The following C16orf46 variants were observed in gnomAD, a reference collection of about 807,000 sequenced individuals.
C16orf46 encodes the protein uncharacterized protein C16orf46.
Under a neutral mutation model 5.5 loss-of-function variants are expected in C16orf46, and 7 were observed. The ratio of observed to expected loss-of-function variants is 1.28; its 90% confidence interval spans 0.73 to 2.40. C16orf46 has a LOEUF of 2.40. Among genes scored for constraint, C16orf46 ranks in the 30% most tolerant of loss-of-function variants. The pLI is 0.00. For missense variants in C16orf46, 614 were observed against 476.0 expected (o/e 1.29, Z -2.70); for synonymous variants, 200 against 184.1 (o/e 1.09, Z -0.70).
chr16:81,066,700 A>G (rs1467728029), intron 1 of C16orf46, among the ~76,000 whole-genome samples: 1 of 152,186 alleles, frequency 6.6e-6, no homozygotes, highest in Non-Finnish European at 1.5e-5. Flanking sequence ...CTGGTAGTAA[A>G]ATTATGCCTG....
chr16:81,063,516 T>A (rs965443636), intron 3 of C16orf46, among the ~76,000 whole-genome samples: 1 of 152,168 alleles, frequency 6.6e-6, no homozygotes, highest in African/African-American at 2.4e-5. Flanking sequence ...TTAGATGAAT[T>A]AATGTATCCA....
At chr16:81,060,870 G>A (rs2151748135), downstream of C16orf46, 7 of 674,218 alleles carry the variant, frequency 1.0e-5, no homozygotes, top group East Asian at 2.2e-4. Flanking sequence ...ACATGAAGCA[G>A]GCAGAGGCTG....
chr16:81,059,821 C>T (rs1367064548), downstream of C16orf46, among the ~76,000 whole-genome samples: 1 of 150,946 alleles, frequency 6.6e-6, no homozygotes, highest in African/African-American at 2.4e-5. Flanking sequence ...CGGGGTCTCA[C>T]TCTGTCGCCC....
intron 3 of C16orf46, chr16:81,055,333 C>A (rs1467312717): frequency 6.6e-6 from 1 of 152,098 alleles, no homozygotes; most frequent in Admixed American, 6.6e-5. Flanking sequence ...ACTGTCATAA[C>A]CCTGTGTGGT....
chr16:81,069,468 A>G (rs1971770545), intron 1 of C16orf46, among the ~76,000 whole-genome samples: 3 of 152,168 alleles, frequency 2.0e-5, no homozygotes, highest in African/African-American at 7.2e-5. Flanking sequence ...TGGCTCTTAG[A>G]TGGTTCTTTC....
chr16:81,059,792 AT>A (rs113907225), downstream of C16orf46, among the ~76,000 whole-genome samples: 1,235 of 143,670 alleles, frequency 8.6e-3, 11 homozygotes, highest in African/African-American at 0.025. Flanking sequence ...TCCCAAAAAG[AT>A]TTTTTTTTTT....
intron 3 of C16orf46, among the ~76,000 whole-genome samples, chr16:81,054,278 CAACA>C (rs1412425595): frequency 0.1 from 1,229 of 11,798 alleles, 20 homozygotes; most frequent in African/African-American, 0.13. Flanking sequence ...ACAACAACAA[CAACA>C]AAAAAAAACA....
At chr16:81,076,564 G>C (rs1972047676) in intron 1 of C16orf46, 1 of 152,102 alleles carries the variant, frequency 6.6e-6, no homozygotes, top group Non-Finnish European at 1.5e-5. Flanking sequence ...AATTCACTAA[G>C]TACCTAGCAC....
intron 1 of C16orf46, among the ~76,000 whole-genome samples, chr16:81,070,880 T>C (rs1971826885): frequency 6.6e-6 from 1 of 152,168 alleles, no homozygotes; most frequent in African/African-American, 2.4e-5. Flanking sequence ...TAGTCATGTA[T>C]AGTTTCACTG....
intron 3 of C16orf46, among the ~76,000 whole-genome samples, chr16:81,054,261 G>T (rs1397629481): frequency 2.1e-4 from 28 of 135,424 alleles, no homozygotes; most frequent in African/African-American, 6.6e-4. Context: ...AAACCAACAA[G>T]CAAACAACAA....
At chr16:81,062,267 T>A in intron 3 of C16orf46, 129 bp from the exon 4 acceptor site, 2 of 730,818 alleles carry the variant, frequency 2.7e-6, no homozygotes, top group Non-Finnish European at 4.0e-6. Context: ...ATTTTTTTAC[T>A]ACCCCTTCCC....
chr16:81,060,802 T>C (rs1971438605), downstream of C16orf46: 2 of 240,714 alleles, frequency 8.3e-6, no homozygotes, highest in Non-Finnish European at 1.5e-5. Context: ...GCGGCCAGCA[T>C]GGAGGGAAGG....
At position 81,063,837 on chromosome 16, in the gene C16orf46, T is replaced by C. The variant is rs1434558944; in HGVS notation, c.119A>G (p.His40Arg). ...ACTGACATCGAGAAGACAATAAACA[T>C]GATTTTTTTCACTTTTTCCATCTGG... ...TCPDGKSEKN[H>R]VYCLLDVSDI... is the part of the protein sequence containing the mutation. Residue 40 changes from histidine to arginine, a missense_variant, in exon 3 of 4, where the codon CAT becomes CGT. Transcript: ENST00000299578. 4 of 1,613,908 alleles carry C rather than the reference T, an allele frequency of 2.5e-6. No homozygotes were observed. Among genetic ancestry groups the C allele is most frequent in the East Asian group, 2.2e-5 (1 of 44,880 alleles).
At chr16:81,063,594 T>A in intron 3 of C16orf46, 152 bp downstream of exon 3, 1 of 656,406 alleles carries the variant, frequency 1.5e-6, no homozygotes, top group Admixed American at 2.9e-5. Flanking sequence ...GCTGCTCTTA[T>A]CATCAGTAAT....
chr16:81,065,200 C>T (rs1362899898), intron 2 of C16orf46, among the ~76,000 whole-genome samples: 1 of 152,082 alleles, frequency 6.6e-6, no homozygotes, highest in African/African-American at 2.4e-5. Flanking sequence ...CGGCTGCATG[C>T]GATGGCTCAC....
chr16:81,066,721 T>C (rs1475638349), intron 1 of C16orf46, among the ~76,000 whole-genome samples: 1 of 152,250 alleles, frequency 6.6e-6, no homozygotes, highest in Non-Finnish European at 1.5e-5. Context: ...ACTTACACAT[T>C]TGACGTAAAC....
chr16:81,072,129 C>G (rs1423554446), intron 1 of C16orf46: 1 of 152,184 alleles, frequency 6.6e-6, no homozygotes, highest in South Asian at 2.1e-4. Flanking sequence ...GAAATGTCCC[C>G]ATAAACCCTC....
chr16:81,060,888 C>G, downstream of C16orf46: 4 of 945,238 alleles, frequency 4.2e-6, no homozygotes, highest in Non-Finnish European at 4.1e-6. Context: ...CTGGGGCTGG[C>G]AAGACCAATT....
chr16:81,057,474 G>A (rs917352555), downstream of C16orf46, among the ~76,000 whole-genome samples: 31 of 150,866 alleles, frequency 2.1e-4, no homozygotes, highest in East Asian at 2.2e-3. Flanking sequence ...GCTTGAACCC[G>A]GGAGGCAGAG....
Sources: gnomAD v4.1 joint callset for allele counts (sites outside exome capture counted in the v4.1 genomes callset) on GRCh38, gnomAD v4.1.1 for gene constraint, MANE v1.5 for transcripts, NCBI Gene and HGNC (gene_info 2026-07-23, HGNC 2026-07-21) for gene names.